DOCK6: variants seen among roughly 807,000 people sequenced by gnomAD.
DOCK6 encodes the protein dedicator of cytokinesis 6, also known as dedicator of cytokinesis protein 6.
In DOCK6, 167 loss-of-function variants were observed where a neutral mutation model predicts 230.3. The observed-to-expected ratio is 0.73, with a 90% CI of 0.64 to 0.82. DOCK6 has a LOEUF of 0.82. Ranked by LOEUF, DOCK6 falls within the 40% of genes least tolerant of loss-of-function variation. The pLI is 0.00. For synonymous variants in DOCK6, 1,148 were observed against 1,185.0 expected (o/e 0.97, Z 0.64); for missense variants, 2,598 against 2,825.8 (o/e 0.92, Z 1.83).
Position 11,245,551 on chromosome 19 carries a change from C to T in DOCK6, c.1023+12G>A, listed in dbSNP as rs1295888306. On this transcript the variant is annotated intron_variant, in intron 9 of 47. Coordinates refer to ENST00000294618, the MANE Select transcript of DOCK6 (RefSeq NM_020812.4). ...CGCCATTACCACCCCCTTGCCCAGCCCCAGCAGGCACCTTGATGACCAGGA... is the reference window on the plus strand; with the variant it reads ...CGCCATTACCACCCCCTTGCCCAGCTCCAGCAGGCACCTTGATGACCAGGA... The T allele has an allele frequency of 2.6e-6, 4 of 1,552,660 alleles. No individual in the cohort carries two copies. Among genetic ancestry groups the T allele is most frequent in the East Asian group, 4.9e-5 (2 of 41,022 alleles).
At chr19:11,199,614 T>TTCC (rs946424790) in intron 47 of DOCK6, 75 bp from the exon 48 acceptor site, 1 of 1,431,374 alleles carries the variant, frequency 7.0e-7, no homozygotes, top group East Asian at 2.5e-5. Context: ...CCACATCCTC[T>TTCC]TCCTCCTCCT....
chr19:11,243,940 G>C lies in DOCK6; in HGVS notation c.1024-58C>G. 6.4e-7 allele frequency: 1 copy of C among 1,550,876 alleles called. No individual in the cohort carries two copies. The highest frequency in any genetic ancestry group is 1.7e-4 in the Middle Eastern group (1 of 5,972). ...CTGCCCGAACGCTCTGTTCCCCCGT[G>C]CTGGCTCCCCAGCCTCCTGGACCCC... On this transcript the variant is annotated intron_variant, in intron 9 of 47. Transcript: ENST00000294618. The surrounding 1 kb of genome is among the most constrained non-coding windows in gnomAD (Gnocchi z 6.3).
chr19:11,241,462 G>T, intron 14 of DOCK6: 1 of 1,550,914 alleles, frequency 6.4e-7, no homozygotes, highest in South Asian at 1.2e-5. Flanking sequence ...CTGACAAGCA[G>T]AGCCACATCC....
intron 20 of DOCK6, 191 bp from the exon 21 acceptor site, chr19:11,235,950 G>C: frequency 1.4e-6 from 1 of 695,380 alleles, no homozygotes; most frequent in Non-Finnish European, 2.1e-6. Context: ...GCATGATCTC[G>C]GCTCACTGTC....
Position 11,213,216 on chromosome 19 carries a change from G to A in DOCK6, c.4451C>T (p.Ser1484Leu), listed in dbSNP as rs747864075. The change falls in exon 35 of 48, where the codon TCG (serine) becomes TTG (leucine). Residue 1484 changes from serine (S) to leucine (L), a missense_variant. Ser to Leu is a moderately radical substitution (Grantham distance 145, BLOSUM62 -2). Transcript: ENST00000294618. Reference sequence around the variant, plus strand: ...GTTCTGTCGCATGAGCAGGTACAGCGAGGCGCTGGCGTGCGTGCGGATGGT... The same window carrying A: ...GTTCTGTCGCATGAGCAGGTACAGCAAGGCGCTGGCGTGCGTGCGGATGGT... The part of the protein sequence containing the change: ...ISTIRTHASA[S>L]LYLLMRQNFE... 6.8e-6 allele frequency: 11 copies of A among 1,613,186 alleles called. No homozygotes were observed. Among genetic ancestry groups the A allele is most frequent in the South Asian group, 4.4e-5 (4 of 91,074 alleles).
At chr19:11,228,143 T>C (rs2079700415) in intron 23 of DOCK6, among the ~76,000 whole-genome samples, 1 of 151,844 alleles carries the variant, frequency 6.6e-6, no homozygotes, top group African/African-American at 2.4e-5. Context: ...CCCATGTAGC[T>C]GAGATTACAG....
In DOCK6 at chr19:11,222,031, A is replaced by G. The variant is rs1012390977; in HGVS notation, c.3381-11T>C. 6.2e-7 allele frequency: 1 copy of G among 1,608,256 alleles called. No homozygotes were observed. Among genetic ancestry groups the G allele is most frequent in the African/African-American group, 1.3e-5 (1 of 74,826 alleles). On this transcript the variant is annotated splice_polypyrimidine_tract_variant and intron_variant, in intron 27 of 47. Coordinates refer to ENST00000294618, the MANE Select transcript of DOCK6 (RefSeq NM_020812.4). This position sits in a 1 kb window ranked among gnomAD's most constrained non-coding sequence, Gnocchi z 4.0. Reference sequence around the variant, plus strand: ...TGCAACAGGAATGCCCTATGGGGTAATGAGGTGCTCAGGACAGGGTGGACA... The same window carrying G: ...TGCAACAGGAATGCCCTATGGGGTAGTGAGGTGCTCAGGACAGGGTGGACA...
At chr19:11,240,373 A>G in intron 14 of DOCK6, 1 of 1,401,406 alleles carries the variant, frequency 7.1e-7, no homozygotes, top group Non-Finnish European at 9.5e-7. Context: ...TTGAGTCCCA[A>G]AGACCTCCCA....
Position 11,204,062 on chromosome 19 carries a change from T to A in DOCK6, c.5235+19A>T. On this transcript the variant is annotated intron_variant, in intron 41 of 47. Transcript: ENST00000294618. ...CGGGGGTCCCAGAGGCAGGTGGCTG[T>A]CCACCAAGGCTGACTCACCTCCCAG... is the stretch of plus-strand genomic sequence containing the variant. 3.9e-6 allele frequency: 6 copies of A among 1,549,266 alleles called. No individual in the cohort carries two copies. The highest frequency in any genetic ancestry group is 4.4e-6 in the Non-Finnish European group (5 of 1,146,646).
At chr19:11,246,690 T>C (rs1028032897) in intron 7 of DOCK6, among the ~76,000 whole-genome samples, 1 of 152,178 alleles carries the variant, frequency 6.6e-6, no homozygotes, top group Non-Finnish European at 1.5e-5. Flanking sequence ...AATCCCCACA[T>C]CTTGAAATTC....
rs2079954524 is a variant in DOCK6, at chr19:11,242,047, G to A, written c.1641C>T (p.Tyr547=). The change falls in exon 14 of 48, where the codon TAC becomes TAT. Residue 547 remains tyrosine, a splice_region_variant and synonymous_variant. Coordinates refer to ENST00000294618, the MANE Select transcript of DOCK6 (RefSeq NM_020812.4). ...CAGCTGGGCCCCAGAGGCCGTACCT[G>A]TAGCTGGTATGGGGGGCATAGACTT... The part of the protein sequence containing the change: ...AREVYAPHTS[Y]RNLLYVYPHS... 2 of 1,568,492 alleles carry A rather than the reference G, an allele frequency of 1.3e-6. No individual in the cohort carries two copies. The highest frequency in any genetic ancestry group is 1.7e-6 in the Non-Finnish European group (2 of 1,166,376).
rs2079131610 is a variant in DOCK6, at chr19:11,199,495, G to A, written c.*2C>T. 6.3e-7 allele frequency: 1 copy of A among 1,581,704 alleles called. No individual in the cohort carries two copies. The highest frequency in any genetic ancestry group is 1.8e-5 in the Admixed American group (1 of 54,842). ...CTAGGTACAGCTTTGGTCCTTGTGGGCTCAGAGGTCTGCCTTTCGGAAACT... is the reference window on the plus strand; with the variant it reads ...CTAGGTACAGCTTTGGTCCTTGTGGACTCAGAGGTCTGCCTTTCGGAAACT... On this transcript the variant is annotated 3_prime_UTR_variant, in exon 48 of 48. Coordinates refer to ENST00000294618, the MANE Select transcript of DOCK6 (RefSeq NM_020812.4).
chr19:11,213,542 G>A (rs2079429115), intron 34 of DOCK6, among the ~76,000 whole-genome samples: 1 of 151,990 alleles, frequency 6.6e-6, no homozygotes, highest in South Asian at 2.1e-4. Context: ...TCCTTCCACT[G>A]TAAACTGTGG....
Position 11,236,237 on chromosome 19 carries a change from G to T in DOCK6, c.2392+109C>A. On this transcript the variant is annotated intron_variant, in intron 20 of 47. Coordinates refer to ENST00000294618, the MANE Select transcript of DOCK6 (RefSeq NM_020812.4). The surrounding 1 kb of genome is among the most constrained non-coding windows in gnomAD (Gnocchi z 5.2). ...GGGGACTGGAGGTCATTTTTCAGATGAGAAAAATGGCCAGAGAGGTAAATG... is the reference window on the plus strand; with the variant it reads ...GGGGACTGGAGGTCATTTTTCAGATTAGAAAAATGGCCAGAGAGGTAAATG... 9.1e-7 allele frequency: 1 copy of T among 1,097,144 alleles called. No homozygotes were observed. Among genetic ancestry groups the T allele is most frequent in the Non-Finnish European group, 1.3e-6 (1 of 778,282 alleles). 68.0% of individuals were successfully genotyped at this position (1,097,144 alleles called of 1,614,324 possible).
At position 11,236,848 on chromosome 19, in the gene DOCK6, C is replaced by T; in HGVS notation, c.2105G>A (p.Gly702Asp). ...VALPGMRWVD[G>D]HKGVFSVELT... ...CTCCACACTGAACACGCCCTTGTGA[C>T]CGTCCACCCAGCGCATGCCCGGAAG... The change falls in exon 19 of 48, where the codon GGT becomes GAT. Residue 702 changes from glycine to aspartate, a missense_variant. Physicochemically the swap from Gly to Asp is moderately conservative, Grantham distance 94. Transcript: ENST00000294618. The surrounding 1 kb of genome is among the most constrained non-coding windows in gnomAD (Gnocchi z 5.2). 6.4e-7 allele frequency: 1 copy of T among 1,555,662 alleles called. No homozygotes were observed. Among genetic ancestry groups the T allele is most frequent in the Non-Finnish European group, 8.7e-7 (1 of 1,149,858 alleles).
At chr19:11,232,028 C>A (rs2079772866) in intron 22 of DOCK6, among the ~76,000 whole-genome samples, 1 of 152,134 alleles carries the variant, frequency 6.6e-6, no homozygotes, top group Non-Finnish European at 1.5e-5. Flanking sequence ...CCCAGTGATA[C>A]CTAAACACAG....
At chr19:11,259,431 T>TGGGG (rs376317740) in intron 1 of DOCK6, among the ~76,000 whole-genome samples, 1 of 146,326 alleles carries the variant, frequency 6.8e-6, no homozygotes, top group Non-Finnish European at 1.5e-5. Context: ...TATTCAAGGA[T>TGGGG]GGGGGAGAGA....
chr19:11,213,252 C>T lies in DOCK6; in HGVS notation c.4415G>A (p.Ser1472Asn), dbSNP rs202226462. Residue 1472 changes from serine to asparagine, a missense_variant, in exon 35 of 48, where the codon AGC (serine) becomes AAC (asparagine). By Grantham distance (46) the Ser-to-Asn change is conservative. Coordinates refer to ENST00000294618, the MANE Select transcript of DOCK6 (RefSeq NM_020812.4). ...LCLRLLRHCGSRISTIRTHAS... is the reference protein window; with the variant it reads ...LCLRLLRHCGNRISTIRTHAS... ...GTGCGTGCGGATGGTGCTGATGCGGCTGCCACAGTGTCGTAGGAGCCTCAG... is the reference window on the plus strand; with the variant it reads ...GTGCGTGCGGATGGTGCTGATGCGGTTGCCACAGTGTCGTAGGAGCCTCAG... 1.9e-5 allele frequency: 31 copies of T among 1,613,114 alleles called. No individual in the cohort carries two copies. In the Admixed American group the frequency reaches 5.2e-4, roughly 27 times the overall value.
intron 41 of DOCK6, 94 bp downstream of exon 41, chr19:11,203,987 G>A: frequency 6.7e-7 from 1 of 1,494,936 alleles, no homozygotes; most frequent in South Asian, 1.2e-5. Context: ...CAGCGGCCAT[G>A]CTCCTCTGGT....
Sources: gnomAD v4.1 joint callset for allele counts (sites outside exome capture counted in the v4.1 genomes callset) on GRCh38, gnomAD v4.1.1 for gene constraint, Gnocchi (gnomAD v3.1) non-coding constraint, MANE v1.5 for transcripts, NCBI Gene and HGNC (gene_info 2026-07-23, HGNC 2026-07-21) for gene names.